The following EIF4E3 variants were observed in gnomAD, a reference collection of about 807,000 sequenced individuals.
The protein encoded by EIF4E3 is eukaryotic translation initiation factor 4E family member 3.
In EIF4E3, 26 loss-of-function variants were observed where a neutral mutation model predicts 31.7. The observed-to-expected ratio is 0.82, with a 90% CI of 0.60 to 1.14. The LOEUF (loss-of-function observed/expected upper bound fraction) is 1.14, where lower values mean the gene tolerates loss of function less well. EIF4E3 is among the 50% of genes most tolerant of loss of function. The pLI, the probability that EIF4E3 is intolerant of heterozygous loss-of-function variation, is 0.00. For synonymous variants in EIF4E3, 128 were observed against 107.7 expected (o/e 1.19, Z -1.17); for missense variants, 304 against 270.9 (o/e 1.12, Z -0.86).
At chr3:71,740,088 A>T (rs181684873) in intron 1 of EIF4E3, among the ~76,000 whole-genome samples, 20 of 152,144 alleles carry the variant, frequency 1.3e-4, no homozygotes, top group African/African-American at 4.6e-4. Flanking sequence ...AAAGCAAAGA[A>T]TTATAACTAA....
intron 1 of EIF4E3, among the ~76,000 whole-genome samples, chr3:71,732,712 C>T (rs117674308): frequency 6.6e-6 from 1 of 152,286 alleles, no homozygotes; most frequent in East Asian, 1.9e-4. Context: ...AGGGGAGAGC[C>T]GGCAGGCCTC....
chr3:71,674,628 C>A (rs1007401518), downstream of EIF4E3, among the ~76,000 whole-genome samples: 2 of 152,130 alleles, frequency 1.3e-5, no homozygotes, highest in African/African-American at 4.8e-5. Flanking sequence ...AGTGTTGCCA[C>A]CTCAACACTG....
the EIF4E3 span, among the ~76,000 whole-genome samples, chr3:71,669,381 TCC>T: frequency 6.6e-6 from 1 of 152,094 alleles, no homozygotes; most frequent in Admixed American, 6.5e-5. Context: ...TGCACATGTA[TCC>T]CAGAACTTAA....
chr3:71,740,681 T>A (rs976776497), intron 1 of EIF4E3, among the ~76,000 whole-genome samples: 1 of 152,012 alleles, frequency 6.6e-6, no homozygotes, highest in African/African-American at 2.4e-5. Flanking sequence ...TACAATGAGC[T>A]GAGATCGTGC....
chr3:71,674,090 CTTTTTTTTTTTTTTT>C (rs71277509), downstream of EIF4E3, among the ~76,000 whole-genome samples: 35 of 25,074 alleles, frequency 1.4e-3, no homozygotes, highest in Non-Finnish European at 1.2e-3. Context: ...ATCAACTGTA[CTTTTTTTTTTTTTTT>C]TTTTTTTTTT....
intron 1 of EIF4E3, among the ~76,000 whole-genome samples, chr3:71,724,175 G>A (rs1458806199): frequency 6.6e-6 from 1 of 152,140 alleles, no homozygotes; most frequent in African/African-American, 2.4e-5. Flanking sequence ...ACCTTGAGGT[G>A]TCATCATTGG....
intron 4 of EIF4E3, among the ~76,000 whole-genome samples, chr3:71,695,203 G>A (rs2049119382): frequency 1.3e-5 from 2 of 152,160 alleles, no homozygotes; most frequent in South Asian, 2.1e-4. Flanking sequence ...GCGAGAGGCT[G>A]TTAGGGGAAG....
intron 2 of EIF4E3, among the ~76,000 whole-genome samples, chr3:71,702,365 T>A (rs189939968): frequency 1.3e-5 from 2 of 152,036 alleles, no homozygotes; most frequent in African/African-American, 2.4e-5. Flanking sequence ...AAACTTCAAG[T>A]CTCCTCAAAG....
At chr3:71,754,290 C>A, upstream of EIF4E3, 1 of 1,146,738 alleles carries the variant, frequency 8.7e-7, no homozygotes, top group Non-Finnish European at 1.1e-6. This position sits in a 1 kb window ranked among gnomAD's most constrained non-coding sequence, Gnocchi z 5.8. Flanking sequence ...GGCGGCGCGG[C>A]GTGCGGCGGC....
chr3:71,746,625 C>T (rs1355840789), intron 1 of EIF4E3, among the ~76,000 whole-genome samples: 1 of 152,194 alleles, frequency 6.6e-6, no homozygotes, highest in Non-Finnish European at 1.5e-5. Context: ...TTAATAAAGA[C>T]ACCTCCATAG....
At chr3:71,668,051 CA>C in the EIF4E3 span, among the ~76,000 whole-genome samples, 1 of 152,152 alleles carries the variant, frequency 6.6e-6, no homozygotes, top group African/African-American at 2.4e-5. Flanking sequence ...AGTACCAAAT[CA>C]GATATATAGA....
At chr3:71,698,930 A>G (rs78051279) in intron 3 of EIF4E3, among the ~76,000 whole-genome samples, 23,809 of 152,108 alleles carry the variant, frequency 0.16, 2,022 homozygotes, top group East Asian at 0.36. Flanking sequence ...CTCAAATTAC[A>G]TTTCTGGTGG....
intron 2 of EIF4E3, among the ~76,000 whole-genome samples, chr3:71,709,606 C>T (rs187144537): frequency 2.6e-5 from 4 of 152,186 alleles, no homozygotes; most frequent in African/African-American, 9.6e-5. Context: ...CTCTGGAACT[C>T]CTAGGCTCAA....
intron 6 of EIF4E3, among the ~76,000 whole-genome samples, chr3:71,688,086 T>A (rs1460253546): frequency 2.6e-5 from 4 of 152,190 alleles, no homozygotes; most frequent in African/African-American, 7.2e-5. Context: ...GCCCTTAAAG[T>A]ATGAATTTCT....
Position 71,710,440 on chromosome 3 carries a change from T to A in EIF4E3, c.221A>T (p.Lys74Met). 1 of 1,551,496 alleles carries A rather than the reference T, an allele frequency of 6.4e-7. No homozygotes were observed. The highest frequency in any genetic ancestry group is 8.7e-7 in the Non-Finnish European group (1 of 1,146,870). The change falls in exon 2 of 7, where the codon AAG (lysine) becomes ATG (methionine). Residue 74 changes from lysine to methionine, a missense_variant. Physicochemically the swap from Lys to Met is moderately conservative, Grantham distance 95. Coordinates refer to ENST00000425534, the MANE Select transcript of EIF4E3 (RefSeq NM_001134651.2). Reference sequence around the variant, plus strand: ...TACTGTCTGTACTGTGTAGATTTTCTTCAGATTTGATGCGCACTCAGCTGC... The same window carrying A: ...TACTGTCTGTACTGTGTAGATTTTCATCAGATTTGATGCGCACTCAGCTGC... ...ATAAECASNL[K>M]KIYTVQTVQI...
intron 1 of EIF4E3, among the ~76,000 whole-genome samples, chr3:71,734,480 A>C (rs2049740978): frequency 6.6e-6 from 1 of 152,196 alleles, no homozygotes; most frequent in South Asian, 2.1e-4. Context: ...AAAATATTTT[A>C]TAACACATGA....
chr3:71,704,892 C>T (rs1434886669), intron 2 of EIF4E3, among the ~76,000 whole-genome samples: 1 of 152,202 alleles, frequency 6.6e-6, no homozygotes, highest in African/African-American at 2.4e-5. Flanking sequence ...TGGAGGAATA[C>T]AAGCAATTTA....
At chr3:71,684,915 A>C (rs924389378) in intron 6 of EIF4E3, among the ~76,000 whole-genome samples, 187 bp from the exon 7 acceptor site, 20 of 152,314 alleles carry the variant, frequency 1.3e-4, no homozygotes, top group East Asian at 1.2e-3. Flanking sequence ...TGAGAAACGT[A>C]ATAATGAAAA....
chr3:71,712,322 G>A (rs1439621384), intron 1 of EIF4E3, among the ~76,000 whole-genome samples: 2 of 152,186 alleles, frequency 1.3e-5, no homozygotes, highest in East Asian at 3.9e-4. Flanking sequence ...ATCAGTCCAC[G>A]TGGATTGACT....
Sources: allele counts gnomAD v4.1 joint callset (sites outside exome capture counted in the v4.1 genomes callset), GRCh38; gene constraint gnomAD v4.1.1; non-coding constraint Gnocchi (gnomAD v3.1); transcripts MANE v1.5; gene names NCBI Gene and HGNC (gene_info 2026-07-23, HGNC 2026-07-21).